The following KRT34 variants were observed in gnomAD, a reference collection of about 807,000 sequenced individuals.
KRT34 encodes the protein keratin 34.
Under a neutral mutation model 41.7 loss-of-function variants are expected in KRT34, and 31 were observed. That is an observed-to-expected ratio of 0.74 (90% CI 0.56 to 1.00). The LOEUF (loss-of-function observed/expected upper bound fraction) is 1.00. Among genes scored for constraint, KRT34 ranks in the 50% least tolerant of loss-of-function variants. The pLI is 0.00. For missense variants in KRT34, 523 were observed against 500.3 expected (o/e 1.05, Z -0.43); for synonymous variants, 224 against 212.9 (o/e 1.05, Z -0.45).
Position 41,382,300 on chromosome 17 carries a change from C to G in KRT34, c.-54G>C. ...GTAAGCTGCTGGAGGTGGATGTGGGCAGGTTTGAGTCTCTCCTTCCTCTGC... is the reference window on the plus strand; with the variant it reads ...GTAAGCTGCTGGAGGTGGATGTGGGGAGGTTTGAGTCTCTCCTTCCTCTGC... On this transcript the variant is annotated 5_prime_UTR_variant, in exon 1 of 7. Coordinates refer to ENST00000394001, the MANE Select transcript of KRT34 (RefSeq NM_001386014.1). The G allele has an allele frequency of 6.2e-7, 1 of 1,613,300 alleles. No individual in the cohort carries two copies. Among genetic ancestry groups the G allele is most frequent in the Non-Finnish European group, 8.5e-7 (1 of 1,180,034 alleles).
At chr17:41,379,310 C>T (rs1389826059) in intron 5 of KRT34, 43 bp downstream of exon 5, 1 of 1,612,746 alleles carries the variant, frequency 6.2e-7, no homozygotes, top group Admixed American at 1.7e-5. Flanking sequence ...GACTCTGCCT[C>T]CCAAGTTCCC....
rs2017874738 is a variant in KRT34 at position 41,377,942 on chromosome 17, G to C, written c.*117C>G. The C allele has an allele frequency of 5.8e-6, 4 of 695,122 alleles. No homozygotes were observed. The highest frequency in any genetic ancestry group is 1.8e-5 in the South Asian group (1 of 56,492). The allele number at this position is 695,122 out of a possible 1,614,324, so 43.1% of individuals were successfully genotyped here. A position where few individuals can be genotyped will look rare whatever the true frequency, so the allele number is the denominator to read the frequency against. On this transcript the variant is annotated 3_prime_UTR_variant, in exon 7 of 7. Coordinates refer to ENST00000394001, the MANE Select transcript of KRT34 (RefSeq NM_001386014.1). ...TTTTCAGCATTCTAGAAATAACATA[G>C]AGGCAAGATGAGGTTTCTTGATGTC...
At chr17:41,381,248 G>C (rs375601539) in intron 2 of KRT34, 36 bp from the exon 3 acceptor site, 9 of 1,599,244 alleles carry the variant, frequency 5.6e-6, no homozygotes, top group Non-Finnish European at 7.7e-6. Flanking sequence ...AGTCAGGAAA[G>C]AAAACCACCT....
At chr17:41,383,269 G>T (rs111645309), upstream of KRT34, among the ~76,000 whole-genome samples, 1 of 152,154 alleles carries the variant, frequency 6.6e-6, no homozygotes, top group East Asian at 1.9e-4. Flanking sequence ...CGCCCGCCTC[G>T]GCCTCCCAAA....
rs778888408 is a variant in KRT34, at chr17:41,378,055, C to A, written c.*4G>T. The A allele has an allele frequency of 1.9e-6, 3 of 1,608,780 alleles. No individual in the cohort carries two copies. The highest frequency in any genetic ancestry group is 2.6e-6 in the Non-Finnish European group (3 of 1,175,374). Reference sequence around the variant, plus strand: ...TAGATGTCTTCAAAGAGGATACAAGCTTTTCAATTACAGCAACCCTTTTGA... The same window carrying A: ...TAGATGTCTTCAAAGAGGATACAAGATTTTCAATTACAGCAACCCTTTTGA... On this transcript the variant is annotated 3_prime_UTR_variant, in exon 7 of 7. Transcript: ENST00000394001.
At position 41,378,006 on chromosome 17, in the gene KRT34, C is replaced by T; in HGVS notation, c.*53G>A. 1.5e-6 allele frequency: 2 copies of T among 1,345,998 alleles called. No homozygotes were observed. Among genetic ancestry groups the T allele is most frequent in the Non-Finnish European group, 2.1e-6 (2 of 938,998 alleles). The allele number at this position is 1,345,998 out of a possible 1,614,324, so 83.4% of individuals were successfully genotyped here. A position where few individuals can be genotyped will look rare whatever the true frequency, so the allele number is the denominator to read the frequency against. ...AAAAGTCAGGACTTGAGGATCCTTC[C>T]TGTGGTTGATCTAAATGGCTTTGTA... On this transcript the variant is annotated 3_prime_UTR_variant, in exon 7 of 7. Transcript: ENST00000394001.
intron 5 of KRT34, 30 bp downstream of exon 5, chr17:41,379,323 C>G (rs368668766): frequency 2.5e-6 from 4 of 1,613,000 alleles, no homozygotes; most frequent in Non-Finnish European, 3.4e-6. Context: ...AAGTTCCCAT[C>G]GCTCACCAGC....
upstream of KRT34, chr17:41,382,461 A>C (rs1263301710): frequency 9.0e-7 from 1 of 1,116,206 alleles, no homozygotes; most frequent in Non-Finnish European, 1.3e-6. Flanking sequence ...CCATAAAATT[A>C]TTCCATTCAG....
rs771574495 is a variant in KRT34 at position 41,379,713 on chromosome 17, A to G, written c.607T>C (p.Ser203Pro). The part of the protein sequence containing the change: ...NHEEEVNTLR[S>P]QLGDRLNVEV... ...ACGTTGAGGCGGTCTCCAAGCTGGG[A>G]GCGCAGGGTGTTAACCTCCTGTTGG... The change falls in exon 4 of 7, where the codon TCC (serine) becomes CCC (proline). Residue 203 changes from serine (S) to proline (P), a missense_variant. Coordinates refer to ENST00000394001, the MANE Select transcript of KRT34 (RefSeq NM_001386014.1). 1.1e-5 allele frequency: 18 copies of G among 1,610,250 alleles called. No homozygotes were observed. In the South Asian group the frequency reaches 1.8e-4, roughly 16 times the overall value.
At chr17:41,382,346 T>G (rs145714076), upstream of KRT34, 22 of 1,612,464 alleles carry the variant, frequency 1.4e-5, no homozygotes, top group African/African-American at 5.3e-5. Context: ...TACCATTAAT[T>G]GTGGGTGGGG....
chr17:41,379,048 C>T lies in KRT34; in HGVS notation c.1005G>A (p.Gln335=). 1 of 1,614,254 alleles carries T rather than the reference C, an allele frequency of 6.2e-7. No homozygotes were observed. The highest frequency in any genetic ancestry group is 8.5e-7 in the Non-Finnish European group (1 of 1,180,046). The part of the protein sequence containing the change: ...LAEIRCDLER[Q]NQEYQVLLDV... ...CCAGCAGCACCTGGTACTCCTGGTT[C>T]TGCCGCTCCAGGTCACAGCGGATCT... Residue 335 remains glutamine, a synonymous_variant, in exon 6 of 7, where the codon CAG becomes CAA. Transcript: ENST00000394001.
At chr17:41,380,976 G>A (rs2017968555) in intron 3 of KRT34, 80 bp downstream of exon 3, 1 of 1,380,512 alleles carries the variant, frequency 7.2e-7, no homozygotes, top group African/African-American at 1.4e-5. Flanking sequence ...CCAGACCAGG[G>A]ATCCAGACAG....
upstream of KRT34, among the ~76,000 whole-genome samples, chr17:41,383,260 G>T (rs111990995): frequency 6.6e-6 from 1 of 152,210 alleles, no homozygotes. Context: ...CTCGTGATCC[G>T]CCCGCCTCGG....
upstream of KRT34, among the ~76,000 whole-genome samples, chr17:41,382,949 C>A (rs1254233027): frequency 6.6e-6 from 1 of 151,920 alleles, no homozygotes; most frequent in Admixed American, 6.6e-5. Context: ...AAGAGGGCAT[C>A]TGCAAATGGC....
chr17:41,378,488 A>T (rs756850647), intron 6 of KRT34, among the ~76,000 whole-genome samples: 67 of 151,972 alleles, frequency 4.4e-4, no homozygotes, highest in Non-Finnish European at 7.9e-4. Context: ...ATGGGGTTTC[A>T]CCATGTTGGC....
chr17:41,379,270 G>T (rs1438043825), intron 5 of KRT34, 83 bp downstream of exon 5: 1 of 1,609,932 alleles, frequency 6.2e-7, no homozygotes. Context: ...AAGAGCTAAG[G>T]AGAGTGTGTG....
chr17:41,379,528 G>A, intron 4 of KRT34, 42 bp downstream of exon 4: 1 of 1,613,962 alleles, frequency 6.2e-7, no homozygotes, highest in Non-Finnish European at 8.5e-7. Context: ...CAGGGCCCTG[G>A]GGCACCTCGG....
intron 3 of KRT34, among the ~76,000 whole-genome samples, 190 bp downstream of exon 3, chr17:41,380,866 C>T (rs1391278425): frequency 1.3e-5 from 2 of 152,118 alleles, no homozygotes; most frequent in East Asian, 3.9e-4. Context: ...CTGCCTAACC[C>T]TCACCCAGCC....
chr17:41,378,280 T>A (rs904750563), intron 6 of KRT34, 134 bp from the exon 7 acceptor site: 3 of 699,024 alleles, frequency 4.3e-6, no homozygotes, highest in Non-Finnish European at 7.6e-6. Context: ...TGTTTTGTTT[T>A]GTTTTGTTTT....
Sources: allele counts gnomAD v4.1 joint callset (sites outside exome capture counted in the v4.1 genomes callset), GRCh38; gene constraint gnomAD v4.1.1; transcripts MANE v1.5; gene names NCBI Gene and HGNC (gene_info 2026-07-23, HGNC 2026-07-21).